Variants in FSTL4 observed in about 807,000 individuals in gnomAD.
The protein encoded by FSTL4 is follistatin-related protein 4.
FSTL4 carries 28 observed loss-of-function variants against 78.2 expected under a neutral mutation model. The observed-to-expected ratio is 0.36, with a 90% CI of 0.27 to 0.49. FSTL4 has a LOEUF of 0.49. Ranked by LOEUF, FSTL4 falls within the 20% of genes least tolerant of loss-of-function variation. FSTL4 has a pLI of 0.98. For synonymous variants in FSTL4, 422 were observed against 440.5 expected (o/e 0.96, Z 0.53); for missense variants, 922 against 1,084.9 (o/e 0.85, Z 2.11).
intron 4 of FSTL4, among the ~76,000 whole-genome samples, chr5:133,384,124 C>A (rs961620352): frequency 6.6e-6 from 1 of 152,210 alleles, no homozygotes; most frequent in Non-Finnish European, 1.5e-5. Context: ...TGGAATCAAG[C>A]TGCTTCCCCA....
At chr5:133,688,835 CCCTA>C in the FSTL4 span, among the ~76,000 whole-genome samples, 3 of 152,130 alleles carry the variant, frequency 2.0e-5, no homozygotes, top group African/African-American at 7.2e-5. Flanking sequence ...TCTGTTTTGT[CCCTA>C]CCACGGGGCC....
intron 3 of FSTL4, among the ~76,000 whole-genome samples, chr5:133,523,142 A>C (rs1415621995): frequency 6.6e-6 from 1 of 152,218 alleles, no homozygotes; most frequent in Non-Finnish European, 1.5e-5. Flanking sequence ...AAGAGACGCC[A>C]GCCGTCTCTC....
intron 14 of FSTL4, among the ~76,000 whole-genome samples, chr5:133,206,614 G>A (rs753219796): frequency 2.6e-5 from 4 of 152,054 alleles, no homozygotes; most frequent in Non-Finnish European, 1.5e-5. Context: ...CATCCACCTC[G>A]GCCTCCCAAA....
At chr5:133,683,940 T>G in the FSTL4 span, among the ~76,000 whole-genome samples, 32 of 152,138 alleles carry the variant, frequency 2.1e-4, no homozygotes, top group African/African-American at 7.5e-4. Context: ...GCTCTGCTAA[T>G]TGCTGCTGCG....
chr5:133,716,560 A>C, the FSTL4 span, among the ~76,000 whole-genome samples: 1 of 152,260 alleles, frequency 6.6e-6, no homozygotes, highest in African/African-American at 2.4e-5. Flanking sequence ...TCTGTGTAAA[A>C]GATATTAACT....
chr5:133,277,489 A>G (rs1752909796), intron 6 of FSTL4, among the ~76,000 whole-genome samples: 1 of 152,194 alleles, frequency 6.6e-6, no homozygotes, highest in Non-Finnish European at 1.5e-5. Context: ...GCACTTTTCT[A>G]TGTATGCTGC....
At chr5:133,449,986 C>T (rs1757349262) in intron 3 of FSTL4, among the ~76,000 whole-genome samples, 2 of 152,156 alleles carry the variant, frequency 1.3e-5, no homozygotes, top group South Asian at 2.1e-4. Flanking sequence ...CCAGGCTTCT[C>T]TTTCTGGGTT....
chr5:133,480,085 G>A (rs1757998806), intron 3 of FSTL4, among the ~76,000 whole-genome samples: 1 of 152,222 alleles, frequency 6.6e-6, no homozygotes, highest in Non-Finnish European at 1.5e-5. Context: ...ATGCAAGGGA[G>A]AAAGGCAGAT....
At chr5:133,464,964 C>T (rs567656254) in intron 3 of FSTL4, among the ~76,000 whole-genome samples, 2 of 152,316 alleles carry the variant, frequency 1.3e-5, no homozygotes, top group African/African-American at 4.8e-5. Flanking sequence ...CCCCACCTAC[C>T]TTTGCTGGTC....
At chr5:133,828,475 A>G in the FSTL4 span, among the ~76,000 whole-genome samples, 7 of 152,320 alleles carry the variant, frequency 4.6e-5, no homozygotes, top group African/African-American at 1.4e-4. Flanking sequence ...TAAAAACTGT[A>G]CAAATGCAAA....
At chr5:133,720,159 C>T in the FSTL4 span, among the ~76,000 whole-genome samples, 39 of 152,070 alleles carry the variant, frequency 2.6e-4, no homozygotes, top group African/African-American at 9.4e-4. Flanking sequence ...GATACTGTTA[C>T]CCACTAAAAA....
chr5:133,610,600 G>A (rs754071915), intron 1 of FSTL4, among the ~76,000 whole-genome samples: 1 of 152,194 alleles, frequency 6.6e-6, no homozygotes, highest in Non-Finnish European at 1.5e-5. Flanking sequence ...TTGAGCTCCT[G>A]CCTGAGAGTT....
chr5:133,312,757 G>T lies in FSTL4; in HGVS notation c.624C>A (p.Asp208Glu). 2.5e-6 allele frequency: 4 copies of T among 1,614,060 alleles called. No homozygotes were observed. The highest frequency in any genetic ancestry group is 3.4e-6 in the Non-Finnish European group (4 of 1,179,898). ...AGCAACCAAGTAAGTCTTCATCCAG[G>T]TCCTGCTTCTTCAGCACATGCTGTG... ...ELAQHVLKKQ[D>E]LDEDLLGCSP... Residue 208 changes from aspartate to glutamate, a missense_variant, in exon 6 of 16, where the codon GAC becomes GAA. By Grantham distance (45) the Asp-to-Glu change is conservative. Coordinates refer to ENST00000265342, the MANE Select transcript of FSTL4 (RefSeq NM_015082.2).
the FSTL4 span, among the ~76,000 whole-genome samples, chr5:133,663,919 C>T: frequency 6.6e-6 from 1 of 152,190 alleles, no homozygotes; most frequent in East Asian, 1.9e-4. Context: ...GAGACTCAGC[C>T]TGGAGAGCCA....
the FSTL4 span, among the ~76,000 whole-genome samples, chr5:133,726,410 C>T: frequency 1.3e-5 from 2 of 152,206 alleles, no homozygotes; most frequent in African/African-American, 4.8e-5. Context: ...TGGTGGGTCC[C>T]CATCTACAAG....
chr5:133,642,106 C>T, the FSTL4 span, among the ~76,000 whole-genome samples: 1 of 152,186 alleles, frequency 6.6e-6, no homozygotes, highest in Non-Finnish European at 1.5e-5. Context: ...AACCTGATTT[C>T]ACCAGTGAAA....
chr5:133,216,515 A>AT (rs919731072), intron 13 of FSTL4, among the ~76,000 whole-genome samples: 51 of 151,946 alleles, frequency 3.4e-4, no homozygotes, highest in African/African-American at 9.7e-4. Context: ...CGCCTGGCTA[A>AT]TTTTTTTGTA....
chr5:133,815,149 A>C, the FSTL4 span, among the ~76,000 whole-genome samples: 1 of 152,216 alleles, frequency 6.6e-6, no homozygotes, highest in Non-Finnish European at 1.5e-5. Flanking sequence ...TGATCCTCTA[A>C]TGAAGAAGAT....
intron 3 of FSTL4, among the ~76,000 whole-genome samples, chr5:133,539,129 T>G (rs976540764): frequency 6.6e-6 from 1 of 152,174 alleles, no homozygotes; most frequent in African/African-American, 2.4e-5. Flanking sequence ...AGTTACAACC[T>G]GCCCAGATTC....
Sources: gnomAD v4.1 joint callset for allele counts (sites outside exome capture counted in the v4.1 genomes callset) on GRCh38, gnomAD v4.1.1 for gene constraint, MANE v1.5 for transcripts, NCBI Gene and HGNC (gene_info 2026-07-23, HGNC 2026-07-21) for gene names.